The following GUCY1A2 variants were observed in gnomAD, a reference collection of about 807,000 sequenced individuals.
GUCY1A2 encodes guanylate cyclase 1 soluble subunit alpha 2.
A neutral mutation model predicts 63.5 loss-of-function variants in GUCY1A2; 27 were observed. The ratio of observed to expected loss-of-function variants is 0.43; its 90% CI spans 0.31 to 0.59. GUCY1A2 has a LOEUF of 0.59. Among genes scored for constraint, GUCY1A2 ranks in the 20% least tolerant of loss-of-function variants. GUCY1A2 has a pLI of 0.11. For synonymous variants in GUCY1A2, 364 were observed against 343.5 expected, an observed-to-expected ratio of 1.06 and a Z score of -0.66; for missense variants, 768 against 913.3, an observed-to-expected ratio of 0.84 and a Z score of 2.05.
chr11:106,953,834 T>G (rs1470350166), intron 3 of GUCY1A2, among the ~76,000 whole-genome samples: 1 of 152,220 alleles, frequency 6.6e-6, no homozygotes, highest in Non-Finnish European at 1.5e-5. Flanking sequence ...TATTCTCTGA[T>G]GGTAGTTTGT....
rs1862447528 is a variant in GUCY1A2 at position 106,682,428 on chromosome 11, C to T, written c.*5121G>A. 9.5e-6 allele frequency: 2 copies of T among 209,558 alleles called. No homozygotes were observed. Among genetic ancestry groups the T allele is most frequent in the Admixed American group, 1.2e-4 (2 of 16,892 alleles). 13.0% of individuals were successfully genotyped at this position (209,558 alleles called of 1,614,324 possible). On this transcript the variant is annotated 3_prime_UTR_variant, in exon 8 of 8. Transcript: ENST00000526355. ...TACCTGAGACCTACTGAATCCAAATCTCTGAAGGTAAAGACTAGTCTTCTG... is the reference window on the plus strand; with the variant it reads ...TACCTGAGACCTACTGAATCCAAATTTCTGAAGGTAAAGACTAGTCTTCTG...
intron 6 of GUCY1A2, among the ~76,000 whole-genome samples, chr11:106,736,215 T>C (rs1344198692): frequency 6.6e-6 from 1 of 152,142 alleles, no homozygotes; most frequent in African/African-American, 2.4e-5. Flanking sequence ...CCCACTCCAA[T>C]GTCCTGCAGA....
At chr11:106,696,106 T>C (rs1862714551) in intron 7 of GUCY1A2, among the ~76,000 whole-genome samples, 2 of 152,162 alleles carry the variant, frequency 1.3e-5, no homozygotes, top group Admixed American at 6.6e-5. Flanking sequence ...TTCTGGGATG[T>C]TCCTATTTGA....
At chr11:106,786,970 G>C (rs993592704) in intron 5 of GUCY1A2, among the ~76,000 whole-genome samples, 1 of 152,102 alleles carries the variant, frequency 6.6e-6, no homozygotes, top group African/African-American at 2.4e-5. Flanking sequence ...GCAAATGTCT[G>C]CTATATTTTG....
intron 7 of GUCY1A2, among the ~76,000 whole-genome samples, chr11:106,701,965 A>T (rs1862824630): frequency 6.6e-6 from 1 of 152,198 alleles, no homozygotes; most frequent in Non-Finnish European, 1.5e-5. Flanking sequence ...TATTTCAAGT[A>T]GTTATCAACC....
intron 5 of GUCY1A2, among the ~76,000 whole-genome samples, chr11:106,799,680 C>T (rs1426330183): frequency 2.0e-5 from 3 of 152,302 alleles, no homozygotes; most frequent in African/African-American, 7.2e-5. Context: ...GGAAAACTGG[C>T]TAGCCATATG....
At chr11:106,974,618 T>C (rs958121602) in intron 3 of GUCY1A2, among the ~76,000 whole-genome samples, 1 of 152,022 alleles carries the variant, frequency 6.6e-6, no homozygotes, top group Non-Finnish European at 1.5e-5. Context: ...ACTAAGAAAA[T>C]ATTGTGAGGA....
intron 4 of GUCY1A2, among the ~76,000 whole-genome samples, chr11:106,823,537 G>T (rs1192786982): frequency 6.6e-6 from 1 of 152,046 alleles, no homozygotes; most frequent in African/African-American, 2.4e-5. Context: ...CCTATTGTGA[G>T]GTACTGTGAT....
chr11:106,939,330 C>T lies in GUCY1A2; in HGVS notation c.1206+130G>A, dbSNP rs1333832988. On this transcript the variant is annotated intron_variant, in intron 4 of 7. Transcript: ENST00000526355. ...AAATCTTTTTACATACATCCAGGGA[C>T]CAGTAATCTTCTAAATGGCACTTTA... The T allele has an allele frequency of 4.8e-6, 3 of 621,750 alleles. No individual in the cohort carries two copies. In the Admixed American group the frequency reaches 7.5e-5, roughly 16 times the overall value. The allele number at this position is 621,750 out of a possible 1,614,324, so 38.5% of individuals were successfully genotyped here.
At chr11:106,719,339 T>A (rs1479895269) in intron 6 of GUCY1A2, among the ~76,000 whole-genome samples, 1 of 152,038 alleles carries the variant, frequency 6.6e-6, no homozygotes, top group African/African-American at 2.4e-5. Context: ...AATTAAAAAA[T>A]GATTTAAAAA....
chr11:106,735,768 C>A (rs756559494), intron 6 of GUCY1A2, among the ~76,000 whole-genome samples: 2 of 152,062 alleles, frequency 1.3e-5, no homozygotes, highest in Admixed American at 1.3e-4. Context: ...TGAGGGTTCC[C>A]CTTTCTCCAG....
intron 4 of GUCY1A2, among the ~76,000 whole-genome samples, chr11:106,922,269 A>G (rs1860454776): frequency 1.3e-5 from 2 of 152,264 alleles, no homozygotes; most frequent in African/African-American, 4.8e-5. Flanking sequence ...ATTGAGGATT[A>G]TAAATGAAAT....
chr11:106,825,018 T>A, intron 4 of GUCY1A2: 1 of 1,561,060 alleles, frequency 6.4e-7, no homozygotes, highest in East Asian at 2.3e-5. Context: ...CCACTATTTT[T>A]GTAGTTAGAC....
At chr11:106,925,480 T>A (rs1022694345) in intron 4 of GUCY1A2, among the ~76,000 whole-genome samples, 6 of 152,156 alleles carry the variant, frequency 3.9e-5, no homozygotes, top group Non-Finnish European at 8.8e-5. Flanking sequence ...TCAAGTTAAA[T>A]AAAAATAGAT....
Position 106,687,287 on chromosome 11 carries a change from A to T in GUCY1A2, c.*262T>A, listed in dbSNP as rs1469041301. On this transcript the variant is annotated 3_prime_UTR_variant, in exon 8 of 8. Coordinates refer to ENST00000526355, the MANE Select transcript of GUCY1A2 (RefSeq NM_000855.3). ...TGGTTAGTTCTGAAAGGGGACCCAC[A>T]CTTGTAATTAAAATATATGTGTATA... The T allele has an allele frequency of 2.5e-6, 1 of 392,696 alleles. No homozygotes were observed. Among genetic ancestry groups the T allele is most frequent in the Non-Finnish European group, 4.6e-6 (1 of 218,898 alleles). 24.3% of individuals were successfully genotyped at this position (392,696 alleles called of 1,614,324 possible).
chr11:106,745,558 G>T (rs1420596370), intron 6 of GUCY1A2, among the ~76,000 whole-genome samples: 1 of 152,142 alleles, frequency 6.6e-6, no homozygotes, highest in Admixed American at 6.5e-5. Flanking sequence ...TCTTGGCATG[G>T]TGTAAACACT....
intron 6 of GUCY1A2, among the ~76,000 whole-genome samples, chr11:106,761,126 T>A (rs569395029): frequency 3.9e-5 from 6 of 152,346 alleles, no homozygotes; most frequent in South Asian, 2.1e-4. Flanking sequence ...CTTCTGGCCT[T>A]ATCTTCTTCA....
At chr11:106,986,361 G>T (rs2120140594) in intron 1 of GUCY1A2, among the ~76,000 whole-genome samples, 1 of 152,186 alleles carries the variant, frequency 6.6e-6, no homozygotes, top group Non-Finnish European at 1.5e-5. Flanking sequence ...TATTTCCTAG[G>T]AATGTTTTCT....
At chr11:106,703,594 G>A (rs894250403) in intron 7 of GUCY1A2, among the ~76,000 whole-genome samples, 1 of 152,120 alleles carries the variant, frequency 6.6e-6, no homozygotes, top group Non-Finnish European at 1.5e-5. Context: ...AAGAAAGCAT[G>A]TTATCACCTA....
Sources: allele counts gnomAD v4.1 joint callset (sites outside exome capture counted in the v4.1 genomes callset), GRCh38; gene constraint gnomAD v4.1.1; transcripts MANE v1.5; gene names NCBI Gene and HGNC (gene_info 2026-07-23, HGNC 2026-07-21).